Variants in SMG7 observed in about 807,000 individuals in gnomAD.
The protein encoded by SMG7 is SMG7 nonsense mediated mRNA decay factor.
Under a neutral mutation model 148.2 loss-of-function variants are expected in SMG7, and 34 were observed. The observed-to-expected ratio is 0.23, with a 90% CI of 0.17 to 0.31. The LOEUF (loss-of-function observed/expected upper bound fraction) is 0.31. Ranked by LOEUF, SMG7 falls within the 10% of genes least tolerant of loss-of-function variation. The pLI is 1.00. For missense variants in SMG7, 1,114 were observed against 1,408.4 expected, an observed-to-expected ratio of 0.79 and a Z score of 3.35; for synonymous variants, 492 against 515.1, an observed-to-expected ratio of 0.96 and a Z score of 0.61.
At chr1:183,500,928 C>T (rs1011876654) in intron 1 of SMG7, among the ~76,000 whole-genome samples, 1 of 152,118 alleles carries the variant, frequency 6.6e-6, no homozygotes, top group East Asian at 1.9e-4. Context: ...CACTAAAGTG[C>T]GACTAAAGTC....
intron 10 of SMG7, among the ~76,000 whole-genome samples, chr1:183,535,862 T>C (rs559336235): frequency 6.6e-6 from 1 of 152,268 alleles, no homozygotes; most frequent in South Asian, 2.1e-4. Flanking sequence ...TATTCTCTTT[T>C]AGTTTACTGA....
At chr1:183,545,869 TGGA>T (rs1669832406) in intron 16 of SMG7, 94 bp from the exon 17 acceptor site, 26 of 1,428,142 alleles carry the variant, frequency 1.8e-5, no homozygotes, top group Non-Finnish European at 2.4e-5. Context: ...TTTTGTTGGT[TGGA>T]AAACACCCCA....
intron 2 of SMG7, 65 bp from the exon 3 acceptor site, chr1:183,515,809 G>T: frequency 1.1e-6 from 1 of 927,906 alleles, no homozygotes; most frequent in South Asian, 1.4e-5. Context: ...TCACTGGTGT[G>T]GTATAATGGT....
intron 1 of SMG7, among the ~76,000 whole-genome samples, chr1:183,477,551 C>T (rs1393834824): frequency 9.9e-5 from 5 of 50,604 alleles, no homozygotes; most frequent in Non-Finnish European, 1.4e-4. Flanking sequence ...TGCATATATA[C>T]GTGTGTGCAT....
chr1:183,503,409 T>G (rs917536470), intron 1 of SMG7, among the ~76,000 whole-genome samples: 3 of 152,198 alleles, frequency 2.0e-5, no homozygotes, highest in African/African-American at 7.2e-5. Flanking sequence ...AACTAATGTT[T>G]GGAGAAAAAT....
chr1:183,526,616 A>G lies in SMG7; in HGVS notation c.333A>G (p.Thr111=), dbSNP rs773093766. Residue 111 remains threonine (T), a synonymous_variant, in exon 5 of 23, where the codon ACA becomes ACG. Transcript: ENST00000688051. ...FYTQLLQELC[T]VFNVDLPCRV... is the part of the protein sequence containing the mutation. ...TTTAGTTATTACAAGAACTGTGTAC[A>G]GTATTTAATGTAGATTTACCATGCC... 1 of 1,611,838 alleles carries G rather than the reference A, an allele frequency of 6.2e-7. No homozygotes were observed. The highest frequency in any genetic ancestry group is 1.7e-5 in the Admixed American group (1 of 59,630).
chr1:183,539,295 A>G (rs1176143199), intron 12 of SMG7, among the ~76,000 whole-genome samples: 4 of 152,166 alleles, frequency 2.6e-5, no homozygotes, highest in East Asian at 1.9e-4. Flanking sequence ...AATTTTCTTC[A>G]GCATTGAGTC....
rs1662426546 is a variant in SMG7, at chr1:183,512,741, A to G, written c.30-96A>G. On this transcript the variant is annotated intron_variant, in intron 1 of 22. Transcript: ENST00000688051. ...CTGCTGTATATCCTTATCGTAGTATATGATTTCACCTAACTTTTAGTGTTA... is the reference window on the plus strand; with the variant it reads ...CTGCTGTATATCCTTATCGTAGTATGTGATTTCACCTAACTTTTAGTGTTA... 9 of 1,147,412 alleles carry G rather than the reference A, an allele frequency of 7.8e-6. No individual in the cohort carries two copies. In the East Asian group the frequency reaches 1.5e-4, roughly 19 times the overall value. The allele number at this position is 1,147,412 out of a possible 1,614,324, so 71.1% of individuals were successfully genotyped here. A position where few individuals can be genotyped will look rare whatever the true frequency, so the allele number is the denominator to read the frequency against.
At position 183,529,429 on chromosome 1, in the gene SMG7, T is replaced by G. The variant is rs1173477991; in HGVS notation, c.739T>G (p.Ser247Ala). The change falls in exon 8 of 23, where the codon TCT becomes GCT. Residue 247 changes from serine to alanine, a missense_variant. Physicochemically the swap from Ser to Ala is moderately conservative, Grantham distance 99. Around this residue, in one of 4 missense-constraint regions of SMG7, gnomAD observed 216 missense variants for 329.1 expected, o/e 0.66. Transcript: ENST00000688051. ...RDEVKTKWGV[S>A]DFIKAFIKFH... ...TGAGGTGAAAACCAAGTGGGGTGTTTCTGACTTCATCAAGGCCTTTATTAA... is the reference window on the plus strand; with the variant it reads ...TGAGGTGAAAACCAAGTGGGGTGTTGCTGACTTCATCAAGGCCTTTATTAA... 6.2e-7 allele frequency: 1 copy of G among 1,613,290 alleles called. No homozygotes were observed. Among genetic ancestry groups the G allele is most frequent in the Non-Finnish European group, 8.5e-7 (1 of 1,179,544 alleles).
chr1:183,475,810 G>A (rs934844525), intron 1 of SMG7, among the ~76,000 whole-genome samples: 18 of 152,158 alleles, frequency 1.2e-4, no homozygotes, highest in Non-Finnish European at 2.2e-4. Context: ...GCTTGACATG[G>A]TAGGGAAGAC....
intron 4 of SMG7, among the ~76,000 whole-genome samples, chr1:183,520,240 A>G (rs1664476643): frequency 6.6e-6 from 1 of 152,128 alleles, no homozygotes; most frequent in African/African-American, 2.4e-5. Flanking sequence ...ATTTATCAAG[A>G]TTTTATAAGA....
At chr1:183,500,569 C>T (rs1659500974) in intron 1 of SMG7, among the ~76,000 whole-genome samples, 1 of 152,138 alleles carries the variant, frequency 6.6e-6, no homozygotes, top group Non-Finnish European at 1.5e-5. Context: ...TTGAATAGGA[C>T]AGTTTCTAGT....
chr1:183,529,126 A>T, intron 7 of SMG7, 84 bp downstream of exon 7: 1 of 1,300,804 alleles, frequency 7.7e-7, no homozygotes, highest in Non-Finnish European at 1.1e-6. Context: ...GGTTTACAGA[A>T]AATAACGGCC....
intron 1 of SMG7, among the ~76,000 whole-genome samples, chr1:183,482,187 T>G (rs534190073): frequency 6.6e-6 from 1 of 152,136 alleles, no homozygotes; most frequent in South Asian, 2.1e-4. Flanking sequence ...ATTAGAGATT[T>G]TGATTAGTCC....
intron 4 of SMG7, among the ~76,000 whole-genome samples, chr1:183,525,132 G>C (rs1035007445): frequency 6.6e-6 from 1 of 152,196 alleles, no homozygotes; most frequent in African/African-American, 2.4e-5. Context: ...GTGAAGAACT[G>C]TGTGCGGGGC....
chr1:183,473,133 G>C (rs1028419642), intron 1 of SMG7: 7 of 167,598 alleles, frequency 4.2e-5, no homozygotes, highest in Admixed American at 6.4e-5. Context: ...GGGCAGACAG[G>C]GGGAGAGGGA....
chr1:183,548,433 T>C (rs1670327398), intron 18 of SMG7, among the ~76,000 whole-genome samples: 1 of 152,192 alleles, frequency 6.6e-6, no homozygotes, highest in Admixed American at 6.5e-5. Flanking sequence ...CTGTTCCTGT[T>C]CCCTTAGTGT....
Position 183,522,955 on chromosome 1 carries a change from A to G in SMG7, c.313-3641A>G, listed in dbSNP as rs1665086449. ...GCTACCTTTTTTTATTTTTTGTAGA[A>G]TGGAGTCTCACTATGTTACCCAGGC... On this transcript the variant is annotated intron_variant, in intron 4 of 22. Transcript: ENST00000688051. Among the ~76,000 whole-genome samples the G allele has an allele frequency of 2.0e-5, 3 of 151,892 alleles. No homozygotes were observed. The South Asian group carries it at 6.2e-4, about 32-fold the overall frequency.
At chr1:183,489,921 G>A (rs1044041594) in intron 1 of SMG7, among the ~76,000 whole-genome samples, 1 of 152,162 alleles carries the variant, frequency 6.6e-6, no homozygotes, top group African/African-American at 2.4e-5. Flanking sequence ...TGCAAAATGT[G>A]GTCCCCAGAT....
Sources: allele counts gnomAD v4.1 joint callset (sites outside exome capture counted in the v4.1 genomes callset), GRCh38; gene constraint gnomAD v4.1.1; regional missense constraint gnomAD v4.1.1; transcripts MANE v1.5; gene names NCBI Gene and HGNC (gene_info 2026-07-23, HGNC 2026-07-21).